The following TMEM19 variants were observed in gnomAD, a reference collection of about 807,000 sequenced individuals.
The protein encoded by TMEM19 is transmembrane protein 19.
TMEM19 carries 21 observed loss-of-function variants against 33.6 expected under a neutral mutation model. The observed-to-expected ratio is 0.62, with a 90% CI of 0.44 to 0.90. TMEM19 has a LOEUF of 0.90. Among genes scored for constraint, TMEM19 ranks in the 40% least tolerant of loss-of-function variants. The pLI is 0.00. For synonymous variants in TMEM19, 149 were observed against 147.5 expected, an observed-to-expected ratio of 1.01 and a Z score of -0.07; for missense variants, 402 against 401.8, an observed-to-expected ratio of 1.00 and a Z score of 0.00.
chr12:71,695,890 C>T (rs1881862393), intron 2 of TMEM19, among the ~76,000 whole-genome samples: 1 of 152,174 alleles, frequency 6.6e-6, no homozygotes, highest in Non-Finnish European at 1.5e-5. Flanking sequence ...TCAAGTTACC[C>T]TGTTTCTGTA....
chr12:71,700,692 A>G, intron 5 of TMEM19, 140 bp from the exon 6 acceptor site: 2 of 771,750 alleles, frequency 2.6e-6, no homozygotes, highest in Non-Finnish European at 3.7e-6. Context: ...TGGAGGAAAA[A>G]GCCTATTTTG....
chr12:71,696,443 C>G lies in TMEM19; in HGVS notation c.252C>G (p.Val84=). The change falls in exon 3 of 6, where the codon GTC becomes GTG. Residue 84 remains valine (V), a synonymous_variant. Transcript: ENST00000266673. ...LDHSGALGGL[V]VGFILTIANF... is the part of the protein sequence containing the mutation. ...TATATATGTTTCTTTCAGGGCTAGTCGTTGGATTTATCCTAACCATTGCAA... is the reference window on the plus strand; with the variant it reads ...TATATATGTTTCTTTCAGGGCTAGTGGTTGGATTTATCCTAACCATTGCAA... The G allele has an allele frequency of 2.5e-6, 4 of 1,600,478 alleles. No homozygotes were observed. The highest frequency in any genetic ancestry group is 3.4e-6 in the Non-Finnish European group (4 of 1,173,028).
At chr12:71,691,497 A>C (rs768284091) in intron 2 of TMEM19, among the ~76,000 whole-genome samples, 1 of 149,404 alleles carries the variant, frequency 6.7e-6, no homozygotes, top group Non-Finnish European at 1.5e-5. Flanking sequence ...GGCTGGTCGC[A>C]GTGGCTCACA....
intron 2 of TMEM19, among the ~76,000 whole-genome samples, chr12:71,694,659 A>G (rs1476996556): frequency 6.6e-6 from 1 of 152,222 alleles, no homozygotes; most frequent in Non-Finnish European, 1.5e-5. Context: ...AAAGTCTGAG[A>G]AACAGTTATG....
At chr12:71,698,218 C>G (rs1018668365) in intron 4 of TMEM19, among the ~76,000 whole-genome samples, 2 of 152,070 alleles carry the variant, frequency 1.3e-5, no homozygotes, top group African/African-American at 2.4e-5. Flanking sequence ...CATCCTATCC[C>G]CCATCATCAC....
At chr12:71,692,507 G>T (rs1318625486) in intron 2 of TMEM19, among the ~76,000 whole-genome samples, 1 of 152,164 alleles carries the variant, frequency 6.6e-6, no homozygotes, top group Non-Finnish European at 1.5e-5. Context: ...TATTGAATAG[G>T]ATTCAAATCT....
rs780199716 is a variant in TMEM19, at chr12:71,700,814, C to A, written c.848-18C>A. 3 of 1,526,882 alleles carry A rather than the reference C, an allele frequency of 2.0e-6. No individual in the cohort carries two copies. Among genetic ancestry groups the A allele is most frequent in the South Asian group, 2.6e-5 (2 of 76,074 alleles). 94.6% of individuals were successfully genotyped at this position (1,526,882 alleles called of 1,614,324 possible). A position where few individuals can be genotyped will look rare whatever the true frequency, so the allele number is the denominator to read the frequency against. On this transcript the variant is annotated intron_variant, in intron 5 of 5. Transcript: ENST00000266673. The stretch of plus-strand genomic sequence containing the variant: ...TCATTTGGGTTTTCTATCTCACTTG[C>A]TTCTTTTTCCATTCCAGGGTTGGAT...
chr12:71,687,725 T>C (rs1881717963), intron 1 of TMEM19, among the ~76,000 whole-genome samples: 1 of 152,212 alleles, frequency 6.6e-6, no homozygotes, highest in Non-Finnish European at 1.5e-5. Context: ...ATTGCTTAAA[T>C]ATAAGGTACT....
chr12:71,689,246 C>T (rs1474631908), intron 1 of TMEM19, among the ~76,000 whole-genome samples: 1 of 152,138 alleles, frequency 6.6e-6, no homozygotes, highest in Non-Finnish European at 1.5e-5. Context: ...TACACAAATA[C>T]GTTATAATTG....
chr12:71,700,344 A>AT (rs1302528481), intron 5 of TMEM19, among the ~76,000 whole-genome samples: 22 of 152,066 alleles, frequency 1.4e-4, no homozygotes, highest in Non-Finnish European at 3.1e-4. Flanking sequence ...GATTTTGTAA[A>AT]TCTTTGTGTG....
intron 4 of TMEM19, among the ~76,000 whole-genome samples, chr12:71,697,908 T>A (rs1165376789): frequency 1.3e-5 from 2 of 151,858 alleles, no homozygotes; most frequent in Non-Finnish European, 2.9e-5. Context: ...ACTACATAGG[T>A]TGAGCATCTC....
rs1299839944 is a variant in TMEM19, at chr12:71,696,564, T to C, written c.373T>C (p.Tyr125His). Residue 125 changes from tyrosine to histidine, a missense_variant, in exon 3 of 6, where the codon TAT becomes CAT. Transcript: ENST00000266673. ...GEVKKRLDSE[Y>H]KEGGQRNWVQ... ...AGTGAAGAAGCGTCTAGATTCAGAA[T>C]ATAAGGAAGGTAAAATTATGTTTGA... 1.3e-6 allele frequency: 2 copies of C among 1,598,924 alleles called. No homozygotes were observed. Among genetic ancestry groups the C allele is most frequent in the African/African-American group, 1.3e-5 (1 of 74,104 alleles).
Position 71,698,966 on chromosome 12 carries a change from T to C in TMEM19, c.704T>C (p.Ile235Thr). The part of the protein sequence containing the change: ...SSLLGGTFVG[I>T]AYFLTQLIFV... Reference sequence around the variant, plus strand: ...CTCCTTGGTGGTACCTTTGTGGGCATTGCATACTTCCTCACACAGCTGATT... The same window carrying C: ...CTCCTTGGTGGTACCTTTGTGGGCACTGCATACTTCCTCACACAGCTGATT... Residue 235 changes from isoleucine (I) to threonine (T), a missense_variant, in exon 5 of 6, where the codon ATT (isoleucine) becomes ACT (threonine). By Grantham distance (89) the Ile-to-Thr change is moderately conservative (BLOSUM62 -1). Coordinates refer to ENST00000266673, the MANE Select transcript of TMEM19 (RefSeq NM_018279.4). 6 of 1,614,206 alleles carry C rather than the reference T, an allele frequency of 3.7e-6. No individual in the cohort carries two copies. Among genetic ancestry groups the C allele is most frequent in the Non-Finnish European group, 5.1e-6 (6 of 1,180,036 alleles).
At chr12:71,691,073 G>A (rs1881777052) in intron 2 of TMEM19, among the ~76,000 whole-genome samples, 1 of 152,148 alleles carries the variant, frequency 6.6e-6, no homozygotes, top group Admixed American at 6.5e-5. Flanking sequence ...AGAATTAAAT[G>A]CGATAATTTA....
chr12:71,700,653 A>G (rs915612477), intron 5 of TMEM19, among the ~76,000 whole-genome samples, 179 bp from the exon 6 acceptor site: 2 of 151,942 alleles, frequency 1.3e-5, no homozygotes, highest in Non-Finnish European at 2.9e-5. Context: ...TTAGCAAGTC[A>G]CTTAGAACCT....
chr12:71,687,058 G>T (rs1195036269), intron 1 of TMEM19, among the ~76,000 whole-genome samples: 1 of 151,424 alleles, frequency 6.6e-6, no homozygotes, highest in South Asian at 2.1e-4. Flanking sequence ...TAAGATAGGG[G>T]TCCCTCTGTG....
intron 3 of TMEM19, 80 bp downstream of exon 3, chr12:71,696,653 G>GTTTT: frequency 1.9e-6 from 2 of 1,069,236 alleles, no homozygotes; most frequent in Non-Finnish European, 2.5e-6. Context: ...TTTTGTTTTT[G>GTTTT]TTTTTTTTTT....
intron 2 of TMEM19, among the ~76,000 whole-genome samples, chr12:71,693,650 A>G (rs1881822842): frequency 6.6e-6 from 1 of 152,124 alleles, no homozygotes; most frequent in Non-Finnish European, 1.5e-5. Flanking sequence ...ACTGCTATTC[A>G]CAGTGATATA....
Position 71,701,780 on chromosome 12 carries a change from A to G in TMEM19, c.*785A>G, listed in dbSNP as rs1375891172. ...TGTGTTTTCTAGCTTTCTTTGAATTATGTATGGCAACCTGGTTTAGCACTG... is the reference window on the plus strand; with the variant it reads ...TGTGTTTTCTAGCTTTCTTTGAATTGTGTATGGCAACCTGGTTTAGCACTG... On this transcript the variant is annotated 3_prime_UTR_variant, in exon 6 of 6. Coordinates refer to ENST00000266673, the MANE Select transcript of TMEM19 (RefSeq NM_018279.4). 6.6e-6 allele frequency: 1 copy of G among 152,216 alleles called. No homozygotes were observed. Among genetic ancestry groups the G allele is most frequent in the Non-Finnish European group, 1.5e-5 (1 of 68,042 alleles). The allele number at this position is 152,216 out of a possible 1,614,324, so 9.4% of individuals were successfully genotyped here.
Sources: allele counts gnomAD v4.1 joint callset (sites outside exome capture counted in the v4.1 genomes callset), GRCh38; gene constraint gnomAD v4.1.1; transcripts MANE v1.5; gene names NCBI Gene and HGNC (gene_info 2026-07-23, HGNC 2026-07-21).